NELL1: variants seen among roughly 807,000 people sequenced by gnomAD.
NELL1 encodes neural EGFL like 1.
A neutral mutation model predicts 107.4 loss-of-function variants in NELL1; 76 were observed. That is an observed-to-expected ratio of 0.71 (90% CI 0.59 to 0.86). NELL1 has a LOEUF of 0.86. NELL1 is among the 40% of genes least tolerant of loss of function. The probability of loss-of-function intolerance (pLI) is 0.00; values close to 1 mark genes in which losing one functional copy is unlikely to be tolerated. For missense variants in NELL1, 1,024 were observed against 1,005.5 expected (o/e 1.02, Z -0.25); for synonymous variants, 353 against 341.2 (o/e 1.03, Z -0.38).
chr11:21,217,892 C>T (rs999616793), intron 13 of NELL1, among the ~76,000 whole-genome samples: 8 of 152,112 alleles, frequency 5.3e-5, no homozygotes, highest in Non-Finnish European at 8.8e-5. Flanking sequence ...TGGCTACTGA[C>T]GCCAGAGTCA....
At chr11:21,534,806 G>A (rs1356030111) in intron 16 of NELL1, among the ~76,000 whole-genome samples, 1 of 152,034 alleles carries the variant, frequency 6.6e-6, no homozygotes. Context: ...AAGGAAAACC[G>A]TGATGACTTG....
rs187386431 is a variant in NELL1 at position 20,773,538 on chromosome 11, C to G, written c.185-10142C>G. On this transcript the variant is annotated intron_variant, in intron 2 of 19. Transcript: ENST00000357134. ...TAAGATGGAGTCTGGCTCTCTGTCA[C>G]CCAGGCTGGAGTGCAGTGGCGCCAC... The G allele has an allele frequency of 7.9e-5, 12 of 151,304 alleles. No homozygotes were observed. In the East Asian group the frequency reaches 2.3e-3, roughly 29 times the overall value. The allele number at this position is 151,304 out of a possible 1,614,324, so 9.4% of individuals were successfully genotyped here.
intron 2 of NELL1, among the ~76,000 whole-genome samples, chr11:20,783,187 G>A (rs992924809): frequency 6.6e-6 from 1 of 152,226 alleles, no homozygotes; most frequent in Non-Finnish European, 1.5e-5. Flanking sequence ...GGAGAAGGAA[G>A]CTGTGTCCAT....
At chr11:21,567,560 A>C (rs759343000) in intron 17 of NELL1, among the ~76,000 whole-genome samples, 6 of 151,832 alleles carry the variant, frequency 4.0e-5, no homozygotes, top group African/African-American at 1.4e-4. Context: ...AAAAGAGCCA[A>C]TGCACACGAT....
chr11:21,119,435 G>A (rs183109962), intron 13 of NELL1, among the ~76,000 whole-genome samples: 190 of 151,268 alleles, frequency 1.3e-3, no homozygotes, highest in African/African-American at 4.3e-3. Context: ...AGCTCCAAGA[G>A]TTCAACATTG....
chr11:20,974,410 A>G (rs1851563056), intron 12 of NELL1, among the ~76,000 whole-genome samples: 1 of 152,188 alleles, frequency 6.6e-6, no homozygotes, highest in African/African-American at 2.4e-5. Context: ...CCCGTCTGAC[A>G]TCAGAAATAA....
chr11:21,238,743 GC>G (rs768501710), intron 14 of NELL1, among the ~76,000 whole-genome samples: 12 of 152,056 alleles, frequency 7.9e-5, no homozygotes, highest in Non-Finnish European at 1.5e-4. Context: ...AACTGAAGAG[GC>G]TGTTGTAAGA....
intron 5 of NELL1, among the ~76,000 whole-genome samples, chr11:20,913,674 A>G (rs2134151704): frequency 6.6e-6 from 1 of 151,976 alleles, no homozygotes; most frequent in Admixed American, 6.6e-5. Flanking sequence ...AAACAAAAGG[A>G]AAAAAAATCC....
intron 15 of NELL1, among the ~76,000 whole-genome samples, chr11:21,416,775 T>C (rs532151834): frequency 6.6e-6 from 1 of 152,086 alleles, no homozygotes; most frequent in Non-Finnish European, 1.5e-5. Flanking sequence ...AAGCAACTTA[T>C]GGGCAGCTTG....
At chr11:21,038,227 C>G (rs1388235596) in intron 12 of NELL1, among the ~76,000 whole-genome samples, 1 of 152,000 alleles carries the variant, frequency 6.6e-6, no homozygotes, top group Non-Finnish European at 1.5e-5. Flanking sequence ...TGCCTTATTG[C>G]AACTGTACAA....
Position 21,129,362 on chromosome 11 carries a change from A to G in NELL1, c.1426+15648A>G, listed in dbSNP as rs980414759. On this transcript the variant is annotated intron_variant, in intron 13 of 19. Coordinates refer to ENST00000357134, the MANE Select transcript of NELL1 (RefSeq NM_006157.5). ...GTGGTTCATCAAAAATTAAAAATAG[A>G]AAAAAATAGAAAATAGAATTAAATG... 2.6e-5 allele frequency among the ~76,000 whole-genome samples: 4 copies of G among 152,168 alleles called. No individual in the cohort carries two copies. The East Asian group carries it at 7.7e-4, about 29-fold the overall frequency.
chr11:21,027,309 A>C (rs1489573831), intron 12 of NELL1, among the ~76,000 whole-genome samples: 1 of 148,964 alleles, frequency 6.7e-6, no homozygotes, highest in East Asian at 2.0e-4. Flanking sequence ...AGTTTAGTTT[A>C]GTTTAGTTTA....
chr11:21,068,032 CAAAAA>C (rs1195285619), intron 12 of NELL1, among the ~76,000 whole-genome samples: 3 of 40,382 alleles, frequency 7.4e-5, no homozygotes, highest in East Asian at 8.8e-4. Flanking sequence ...GATGCCATCT[CAAAAA>C]AAAAAAAAAA....
At chr11:21,406,632 C>T (rs1852242905) in intron 15 of NELL1, among the ~76,000 whole-genome samples, 1 of 152,002 alleles carries the variant, frequency 6.6e-6, no homozygotes, top group Admixed American at 6.6e-5. Flanking sequence ...ACAAATGTAT[C>T]TCCTATTTCT....
At chr11:21,439,429 CA>C (rs1383961086) in intron 15 of NELL1, among the ~76,000 whole-genome samples, 1 of 152,114 alleles carries the variant, frequency 6.6e-6, no homozygotes, top group African/African-American at 2.4e-5. Context: ...TATGCAGAAG[CA>C]GATTAATCTC....
chr11:20,937,656 CAA>C, intron 9 of NELL1, 128 bp from the exon 10 acceptor site: 1 of 671,948 alleles, frequency 1.5e-6, no homozygotes, highest in Non-Finnish European at 2.7e-6. Context: ...TCACTTTAGA[CAA>C]AGAGATTTGT....
intron 14 of NELL1, among the ~76,000 whole-genome samples, chr11:21,358,019 C>T (rs1009871068): frequency 6.6e-6 from 1 of 152,196 alleles, no homozygotes; most frequent in Non-Finnish European, 1.5e-5. Flanking sequence ...TATTTTTATA[C>T]TAGTATCACG....
chr11:20,848,440 A>G (rs1047473915), intron 4 of NELL1, among the ~76,000 whole-genome samples: 2 of 152,104 alleles, frequency 1.3e-5, no homozygotes, highest in Non-Finnish European at 2.9e-5. Flanking sequence ...ATTGGTTTCT[A>G]TTGGATCATT....
At chr11:21,056,146 G>T (rs559228828) in intron 12 of NELL1, among the ~76,000 whole-genome samples, 2 of 152,296 alleles carry the variant, frequency 1.3e-5, no homozygotes, top group Admixed American at 1.3e-4. Flanking sequence ...AGATCACAGA[G>T]ACAGTAGGGA....
Sources: gnomAD v4.1 joint callset for allele counts (sites outside exome capture counted in the v4.1 genomes callset) on GRCh38, gnomAD v4.1.1 for gene constraint, MANE v1.5 for transcripts, NCBI Gene and HGNC (gene_info 2026-07-23, HGNC 2026-07-21) for gene names.